Variants in SLC40A1 observed in about 807,000 individuals in gnomAD.
SLC40A1 encodes the protein solute carrier family 40 member 1.
Under a neutral mutation model 53.5 loss-of-function variants are expected in SLC40A1, and 16 were observed. The ratio of observed to expected loss-of-function variants is 0.30; its 90% confidence interval spans 0.20 to 0.45. The LOEUF is 0.45. SLC40A1 is among the 20% of genes least tolerant of loss of function. The pLI is 1.00. For synonymous variants in SLC40A1, 247 were observed against 253.2 expected (o/e 0.98, Z 0.23); for missense variants, 545 against 695.4 (o/e 0.78, Z 2.43).
At chr2:189,575,739 A>G (rs2105632301) in intron 2 of SLC40A1, among the ~76,000 whole-genome samples, 1 of 152,360 alleles carries the variant, frequency 6.6e-6, no homozygotes, top group East Asian at 1.9e-4. Context: ...TACAGTTCAC[A>G]AACATTAGTA....
chr2:189,562,469 A>G (rs1326097107), intron 7 of SLC40A1, among the ~76,000 whole-genome samples: 1 of 152,196 alleles, frequency 6.6e-6, no homozygotes, highest in Non-Finnish European at 1.5e-5. Flanking sequence ...TCATACTACA[A>G]AAACAAAACT....
chr2:189,563,545 A>G (rs1559010019), intron 7 of SLC40A1, 39 bp downstream of exon 7: 1 of 1,576,244 alleles, frequency 6.3e-7, no homozygotes, highest in African/African-American at 1.4e-5. Context: ...TTACAAAAAG[A>G]CACTTTAGTT....
intron 5 of SLC40A1, among the ~76,000 whole-genome samples, chr2:189,569,791 T>C (rs1054464072): frequency 3.9e-5 from 6 of 152,214 alleles, no homozygotes; most frequent in Non-Finnish European, 7.4e-5. Context: ...ATCAGAAAGT[T>C]AGAAAAAGAC....
Position 189,580,327 on chromosome 2 carries a change from G to A in SLC40A1, c.43+91C>T, listed in dbSNP as rs530650445. The A allele has an allele frequency of 1.4e-5, 18 of 1,263,888 alleles. No individual in the cohort carries two copies. In the African/African-American group the frequency reaches 2.3e-4, roughly 16 times the overall value. 78.3% of individuals were successfully genotyped at this position (1,263,888 alleles called of 1,614,324 possible). ...TTTTACAAAGCTATGGTTCACAGCA[G>A]AGCCACATTCCTCCAGAACTCGTGT... On this transcript the variant is annotated intron_variant, in intron 1 of 7. Coordinates refer to ENST00000261024, the MANE Select transcript of SLC40A1 (RefSeq NM_014585.6).
chr2:189,576,833 T>C (rs560569888), intron 2 of SLC40A1, among the ~76,000 whole-genome samples: 2 of 152,192 alleles, frequency 1.3e-5, no homozygotes, highest in Non-Finnish European at 2.9e-5. Context: ...TTTCTTTTTT[T>C]CTTACTCTTA....
chr2:189,565,229 T>C, intron 6 of SLC40A1, 125 bp downstream of exon 6: 1 of 1,211,216 alleles, frequency 8.3e-7, no homozygotes. Flanking sequence ...CAAAGCGATA[T>C]ATTTAACCTC....
At chr2:189,570,106 A>G (rs1384669259) in intron 5 of SLC40A1, among the ~76,000 whole-genome samples, 1 of 150,302 alleles carries the variant, frequency 6.7e-6, no homozygotes, top group African/African-American at 2.5e-5. Flanking sequence ...GTGTATATAT[A>G]TATGTGTATA....
At chr2:189,565,622 C>T (rs2030916303) in intron 5 of SLC40A1, 23 bp from the exon 6 acceptor site, 1 of 1,613,922 alleles carries the variant, frequency 6.2e-7, no homozygotes, top group African/African-American at 1.3e-5. Context: ...GTGAAAGAGG[C>T]AGGTAAGTGT....
rs1375854499 is a variant in SLC40A1 at position 189,565,562 on chromosome 2, G to C, written c.552C>G (p.Thr184=). The C allele has an allele frequency of 1.2e-6, 2 of 1,614,098 alleles. No homozygotes were observed. Among genetic ancestry groups the C allele is most frequent in the Admixed American group, 3.3e-5 (2 of 60,008 alleles). ...NATIRRIDQL[T]NILAPMAVGQ... ...CAACAGCCATGGGGGCTAAGATGTT[G>C]GTTAACTGGTCAATCCTTCGTATTG... Residue 184 remains threonine, a synonymous_variant, in exon 6 of 8, where the codon ACC becomes ACG. Coordinates refer to ENST00000261024, the MANE Select transcript of SLC40A1 (RefSeq NM_014585.6).
Position 189,563,615 on chromosome 2 carries a change from C to T in SLC40A1, c.1371G>A (p.Leu457=), listed in dbSNP as rs375986187. 4.2e-5 allele frequency: 67 copies of T among 1,613,906 alleles called. No individual in the cohort carries two copies. The highest frequency in any genetic ancestry group is 1.0e-4 in the Admixed American group (6 of 59,986). Residue 457 remains leucine, a synonymous_variant, in exon 7 of 8, where the codon CTG becomes CTA. Coordinates refer to ENST00000261024, the MANE Select transcript of SLC40A1 (RefSeq NM_014585.6). ...PESVPIISVS[L]LFAGVIAARI... is the part of the protein sequence containing the mutation. ...TAGCAGCAATGACGCCTGCAAACAG[C>T]AGACTGACAGAGATTATGGGCACAG...
intron 2 of SLC40A1, 94 bp downstream of exon 2, chr2:189,579,719 G>T: frequency 9.2e-7 from 1 of 1,092,436 alleles, no homozygotes; most frequent in Non-Finnish European, 1.4e-6. Context: ...TTAACTGCTT[G>T]ACAAAACTGG....
intron 2 of SLC40A1, 30 bp from the exon 3 acceptor site, chr2:189,575,350 G>A: frequency 6.2e-7 from 1 of 1,613,050 alleles, no homozygotes; most frequent in Non-Finnish European, 8.5e-7. Context: ...TGTTTTGATG[G>A]AATATTTTTC....
rs1263004397 is a variant in SLC40A1 at position 189,564,187 on chromosome 2, C to G, written c.799G>C (p.Gly267Arg). ...TCATGGATGTTAGAGTCTTTCACAC[C>G]CATTAGATGAGTTCCCTCCAGGGGT... ...PKPLEGTHLM[G>R]VKDSNIHELE... Residue 267 changes from glycine (G) to arginine (R), a missense_variant, in exon 7 of 8, where the codon GGT becomes CGT. This residue lies in a region of SLC40A1 where 107 missense variants were observed against 91.0 expected (regional missense o/e 1.18). Transcript: ENST00000261024. 1.9e-6 allele frequency: 3 copies of G among 1,613,600 alleles called. No homozygotes were observed. The Admixed American group carries it at 5.0e-5, about 27-fold the overall frequency.
intron 2 of SLC40A1, among the ~76,000 whole-genome samples, chr2:189,579,258 A>C (rs1205065994): frequency 1.3e-5 from 2 of 152,138 alleles, no homozygotes; most frequent in Non-Finnish European, 2.9e-5. Flanking sequence ...ACTTTATCTA[A>C]CTATAGATAA....
At position 189,563,636 on chromosome 2, in the gene SLC40A1, C is replaced by A; in HGVS notation, c.1350G>T (p.Val450=). 1 of 1,614,110 alleles carries A rather than the reference C, an allele frequency of 6.2e-7. No homozygotes were observed. The highest frequency in any genetic ancestry group is 8.5e-7 in the Non-Finnish European group (1 of 1,180,006). The change falls in exon 7 of 8, where the codon GTG becomes GTT. Residue 450 remains valine (V), a synonymous_variant. Transcript: ENST00000261024. ...NIVPETSPES[V]PIISVSLLFA... ...ACAGCAGACTGACAGAGATTATGGG[C>A]ACAGATTCAGGACTTGTCTCCGGGA...
intron 3 of SLC40A1, among the ~76,000 whole-genome samples, chr2:189,574,058 T>C (rs1444770496): frequency 6.6e-6 from 1 of 152,062 alleles, no homozygotes; most frequent in Non-Finnish European, 1.5e-5. Context: ...GAGGAAGAAA[T>C]GGTAAATTCA....
At chr2:189,578,810 G>T (rs927479757) in intron 2 of SLC40A1, among the ~76,000 whole-genome samples, 2 of 152,154 alleles carry the variant, frequency 1.3e-5, no homozygotes, top group African/African-American at 2.4e-5. Flanking sequence ...TCTATAAACT[G>T]CTATTTCTTA....
intron 5 of SLC40A1, among the ~76,000 whole-genome samples, chr2:189,570,349 G>A (rs117024832): frequency 6.6e-6 from 1 of 152,026 alleles, no homozygotes; most frequent in East Asian, 1.9e-4. Flanking sequence ...GTGATCTATT[G>A]TCAAAATATA....
At chr2:189,578,777 G>C (rs181641313) in intron 2 of SLC40A1, among the ~76,000 whole-genome samples, 56 of 152,254 alleles carry the variant, frequency 3.7e-4, no homozygotes, top group African/African-American at 1.0e-3. Flanking sequence ...GGTAAGATAG[G>C]AGCTTGCTTT....
Sources: allele counts gnomAD v4.1 joint callset (sites outside exome capture counted in the v4.1 genomes callset), GRCh38; gene constraint gnomAD v4.1.1; regional missense constraint gnomAD v4.1.1; transcripts MANE v1.5; gene names NCBI Gene and HGNC (gene_info 2026-07-23, HGNC 2026-07-21).